The following MAGI2 variants were observed in gnomAD, a reference collection of about 807,000 sequenced individuals.
The protein encoded by MAGI2 is membrane-associated guanylate kinase, WW and PDZ domain-containing protein 2.
In MAGI2, 35 loss-of-function variants were observed where a neutral mutation model predicts 133.3. That is an observed-to-expected ratio of 0.26 (90% CI 0.20 to 0.35). MAGI2 has a LOEUF of 0.35. MAGI2 is among the 10% of genes least tolerant of loss of function. The pLI, the probability that MAGI2 is intolerant of heterozygous loss-of-function variation, is 1.00. For missense variants in MAGI2, 1,636 were observed against 1,863.4 expected, an observed-to-expected ratio of 0.88 and a Z score of 2.25; for synonymous variants, 729 against 710.6, an observed-to-expected ratio of 1.03 and a Z score of -0.41.
At chr7:79,298,992 A>G (rs1411869135) in intron 1 of MAGI2, among the ~76,000 whole-genome samples, 2 of 152,142 alleles carry the variant, frequency 1.3e-5, no homozygotes, top group Non-Finnish European at 2.9e-5. Context: ...AAGCCACCCC[A>G]TGGTATTTTG....
intron 3 of MAGI2, among the ~76,000 whole-genome samples, chr7:78,579,514 T>G (rs1439850463): frequency 6.6e-6 from 1 of 152,156 alleles, no homozygotes; most frequent in East Asian, 1.9e-4. Context: ...GATTAACCAC[T>G]GAAGACAATT....
At chr7:78,065,168 T>G (rs1813687893) in intron 21 of MAGI2, among the ~76,000 whole-genome samples, 1 of 152,190 alleles carries the variant, frequency 6.6e-6, no homozygotes, top group Admixed American at 6.5e-5. Flanking sequence ...GTCTGGCAAC[T>G]GTGGCTCTCT....
chr7:78,051,830 C>T, intron 21 of MAGI2, among the ~76,000 whole-genome samples: 1 of 151,100 alleles, frequency 6.6e-6, no homozygotes, highest in East Asian at 1.9e-4. Flanking sequence ...AGTCATCCAC[C>T]TGCCTTGACC....
intron 1 of MAGI2, among the ~76,000 whole-genome samples, chr7:79,113,268 G>A (rs193112679): frequency 9.1e-4 from 138 of 152,300 alleles, no homozygotes; most frequent in African/African-American, 3.2e-3. Context: ...GCGTGCTAGA[G>A]TCTCCAACAG....
intron 7 of MAGI2, chr7:78,358,621 G>A: frequency 5.7e-6 from 1 of 174,640 alleles, no homozygotes; most frequent in Non-Finnish European, 1.2e-5. Context: ...ATGACAAGGT[G>A]GTTCCTGCTG....
intron 1 of MAGI2, among the ~76,000 whole-genome samples, chr7:79,358,242 G>A (rs148482624): frequency 5.1e-4 from 78 of 152,142 alleles, no homozygotes; most frequent in African/African-American, 1.8e-3. Context: ...CAAGTGCAAT[G>A]TGCATTTGAT....
At chr7:79,286,293 A>G (rs965402443) in intron 1 of MAGI2, among the ~76,000 whole-genome samples, 3 of 152,070 alleles carry the variant, frequency 2.0e-5, no homozygotes, top group Admixed American at 6.6e-5. Flanking sequence ...AGCTCATCTG[A>G]TCCTCACAAC....
intron 2 of MAGI2, among the ~76,000 whole-genome samples, chr7:78,815,891 A>C (rs1371650169): frequency 6.6e-6 from 1 of 152,196 alleles, no homozygotes; most frequent in Non-Finnish European, 1.5e-5. Flanking sequence ...CAAAGTATTC[A>C]AGTTAAAGGG....
intron 3 of MAGI2, among the ~76,000 whole-genome samples, chr7:78,562,971 G>A (rs537322062): frequency 2.0e-5 from 3 of 148,264 alleles, no homozygotes; most frequent in Non-Finnish European, 4.5e-5. Flanking sequence ...CCATCTCTTT[G>A]TCTCTTTGTG....
At chr7:78,643,592 C>T (rs1055325787) in intron 2 of MAGI2, among the ~76,000 whole-genome samples, 4 of 151,758 alleles carry the variant, frequency 2.6e-5, no homozygotes, top group African/African-American at 9.7e-5. Flanking sequence ...CAATTGCAGC[C>T]ACCTGTATAA....
intron 9 of MAGI2, among the ~76,000 whole-genome samples, chr7:78,278,885 G>A (rs930224416): frequency 2.6e-5 from 4 of 152,120 alleles, no homozygotes; most frequent in African/African-American, 9.7e-5. Context: ...GAGAGCACTA[G>A]CTATACAGAG....
chr7:78,929,447 T>C (rs1799947183), intron 2 of MAGI2, among the ~76,000 whole-genome samples: 1 of 152,096 alleles, frequency 6.6e-6, no homozygotes, highest in South Asian at 2.1e-4. Context: ...CTTACATTTC[T>C]GGAGATCAGA....
At chr7:79,002,137 T>C (rs1429179693) in intron 2 of MAGI2, among the ~76,000 whole-genome samples, 2 of 146,210 alleles carry the variant, frequency 1.4e-5, no homozygotes, top group Non-Finnish European at 3.0e-5. Context: ...TCTTCTTCTT[T>C]TTTTTTTTTT....
chr7:78,626,102 A>C (rs970885178), intron 3 of MAGI2, among the ~76,000 whole-genome samples: 2 of 152,214 alleles, frequency 1.3e-5, no homozygotes, highest in African/African-American at 4.8e-5. Flanking sequence ...CATGTATGAT[A>C]GGCTAAGCAG....
At chr7:78,654,742 T>TGGC (rs1811977630) in intron 2 of MAGI2, among the ~76,000 whole-genome samples, 1 of 90,088 alleles carries the variant, frequency 1.1e-5, no homozygotes, top group South Asian at 4.1e-4. Context: ...TATATATATA[T>TGGC]ATATATAGCA....
chr7:79,180,708 A>G (rs1208323926), intron 1 of MAGI2, among the ~76,000 whole-genome samples: 1 of 151,926 alleles, frequency 6.6e-6, no homozygotes, highest in Admixed American at 6.6e-5. Context: ...GTCCTAACTC[A>G]TTTCAGCATA....
At chr7:78,785,717 C>A (rs1455381154) in intron 2 of MAGI2, among the ~76,000 whole-genome samples, 1 of 152,106 alleles carries the variant, frequency 6.6e-6, no homozygotes, top group Non-Finnish European at 1.5e-5. Context: ...CTTATTTGAG[C>A]TAAGTGTCCT....
chr7:78,607,040 CA>C (rs1487416752), intron 3 of MAGI2, among the ~76,000 whole-genome samples: 1 of 152,174 alleles, frequency 6.6e-6, no homozygotes, highest in Non-Finnish European at 1.5e-5. Context: ...GCCCAAACTC[CA>C]TTGCTTTTTA....
intron 3 of MAGI2, among the ~76,000 whole-genome samples, chr7:78,562,350 G>C (rs1800494078): frequency 6.6e-6 from 1 of 152,150 alleles, no homozygotes; most frequent in Non-Finnish European, 1.5e-5. Flanking sequence ...CCTATACACT[G>C]TAGTAGAAAG....
Sources: allele counts gnomAD v4.1 joint callset (sites outside exome capture counted in the v4.1 genomes callset), GRCh38; gene constraint gnomAD v4.1.1; transcripts MANE v1.5; gene names NCBI Gene and HGNC (gene_info 2026-07-23, HGNC 2026-07-21).